CHCHD6: variants seen among roughly 807,000 people sequenced by gnomAD.
The protein encoded by CHCHD6 is coiled-coil-helix-coiled-coil-helix domain containing 6.
In CHCHD6, 28 loss-of-function variants were observed where a neutral mutation model predicts 32.3. That is an observed-to-expected ratio of 0.87 (90% CI 0.64 to 1.19). CHCHD6 has a LOEUF of 1.19. Among genes scored for constraint, CHCHD6 ranks in the 50% most tolerant of loss-of-function variants. The probability of loss-of-function intolerance (pLI) is 0.00; values close to 1 mark genes in which losing one functional copy is unlikely to be tolerated. For missense variants in CHCHD6, 333 were observed against 307.0 expected (o/e 1.08, Z -0.63); for synonymous variants, 122 against 117.5 (o/e 1.04, Z -0.25).
intron 4 of CHCHD6, among the ~76,000 whole-genome samples, chr3:126,750,847 A>G (rs1258150983): frequency 2.0e-5 from 3 of 152,226 alleles, no homozygotes; most frequent in Admixed American, 2.0e-4. Flanking sequence ...CAGTTCTCCC[A>G]TGCTAATGAG....
chr3:126,754,098 C>T (rs1003250884), intron 4 of CHCHD6, among the ~76,000 whole-genome samples: 2 of 152,192 alleles, frequency 1.3e-5, no homozygotes, highest in African/African-American at 4.8e-5. Context: ...ATAGTCATAG[C>T]AGTTAGAGCT....
At chr3:126,752,394 C>T (rs539635868) in intron 4 of CHCHD6, among the ~76,000 whole-genome samples, 16 of 152,240 alleles carry the variant, frequency 1.1e-4, no homozygotes, top group African/African-American at 3.1e-4. Flanking sequence ...GGTGTGTGAG[C>T]GGAGCCCACT....
intron 4 of CHCHD6, among the ~76,000 whole-genome samples, chr3:126,834,945 G>T (rs1940793051): frequency 6.6e-6 from 1 of 152,158 alleles, no homozygotes; most frequent in Non-Finnish European, 1.5e-5. Flanking sequence ...TGGAAGCCCT[G>T]GTGTGTCTGG....
intron 4 of CHCHD6, among the ~76,000 whole-genome samples, chr3:126,782,692 G>A (rs1034396294): frequency 1.3e-5 from 2 of 152,128 alleles, no homozygotes. Context: ...CAGCTCCAGC[G>A]TTTCCAGTCT....
At chr3:126,704,946 C>T (rs529184011) in intron 1 of CHCHD6, among the ~76,000 whole-genome samples, 1 of 152,148 alleles carries the variant, frequency 6.6e-6, no homozygotes, top group African/African-American at 2.4e-5. Context: ...CAAAGCTGGC[C>T]GCTGCCCGTC....
chr3:126,820,857 C>T (rs1940118272), intron 4 of CHCHD6, among the ~76,000 whole-genome samples: 1 of 152,192 alleles, frequency 6.6e-6, no homozygotes, highest in African/African-American at 2.4e-5. Flanking sequence ...AGTGGAGATG[C>T]AGTGTACTGT....
intron 1 of CHCHD6, among the ~76,000 whole-genome samples, chr3:126,717,049 G>A (rs1935052682): frequency 1.3e-5 from 2 of 152,202 alleles, no homozygotes; most frequent in South Asian, 4.1e-4. Flanking sequence ...TGCCTTCAAA[G>A]CAGAGCAGCA....
intron 6 of CHCHD6, among the ~76,000 whole-genome samples, chr3:126,916,019 C>T (rs936979043): frequency 8.7e-5 from 13 of 149,430 alleles, no homozygotes; most frequent in Non-Finnish European, 1.8e-4. Context: ...GGGTTTTATT[C>T]TTGAACACTA....
At position 126,903,930 on chromosome 3, in the gene CHCHD6, C is replaced by T. The variant is rs929523882; in HGVS notation, c.496-10750C>T. Among the ~76,000 whole-genome samples, 5 of 152,304 alleles carry T rather than the reference C, an allele frequency of 3.3e-5. 1 individual carries two copies. The Middle Eastern group carries it at 0.014, about 414-fold the overall frequency. The stretch of plus-strand genomic sequence containing the variant: ...TCAGGTTGGCTCCAGGGGATCCCAT[C>T]CTGGTCTGCAGGCCCTGGGTCTAGG... On this transcript the variant is annotated intron_variant, in intron 5 of 7. Coordinates refer to ENST00000290913, the MANE Select transcript of CHCHD6 (RefSeq NM_032343.3).
chr3:126,875,459 C>T (rs1284165791), intron 5 of CHCHD6, among the ~76,000 whole-genome samples: 5 of 152,216 alleles, frequency 3.3e-5, no homozygotes, highest in East Asian at 1.9e-4. Context: ...GCACTGCTCT[C>T]GTGCTACAGT....
chr3:126,748,839 G>A (rs2107666892), intron 4 of CHCHD6, among the ~76,000 whole-genome samples: 1 of 152,236 alleles, frequency 6.6e-6, no homozygotes, highest in East Asian at 1.9e-4. Flanking sequence ...TGGCCATCCA[G>A]AAGTGACCCG....
Position 126,919,310 on chromosome 3 carries a change from C to CTTTTTTTTT in CHCHD6, c.566+4566_566+4567insTTTTTTTTT. ...TAATTTTTTTTCTACTATTTCTTTT[C>CTTTTTTTTT]TTTTTTCTTTTTTTTTTTTTTTTGA... On this transcript the variant is annotated intron_variant, in intron 6 of 7. Transcript: ENST00000290913. 6.8e-5 allele frequency among the ~76,000 whole-genome samples: 2 copies of CTTTTTTTTT among 29,234 alleles called. 1 individual carries two copies. The highest frequency in any genetic ancestry group is 2.7e-4 in the Non-Finnish European group (2 of 7,544). 19.2% of individuals were successfully genotyped at this position (29,234 alleles called of 152,430 possible).
chr3:126,767,290 C>T, intron 4 of CHCHD6: 2 of 1,175,018 alleles, frequency 1.7e-6, no homozygotes, highest in Non-Finnish European at 2.6e-6. Flanking sequence ...GCTGCCCCAT[C>T]TTGTTCTCCC....
At position 126,960,327 on chromosome 3, in the gene CHCHD6, G is replaced by C; in HGVS notation, c.*126G>C. 9.0e-7 allele frequency: 1 copy of C among 1,108,408 alleles called. No homozygotes were observed. Among genetic ancestry groups the C allele is most frequent in the Non-Finnish European group, 1.3e-6 (1 of 754,774 alleles). 68.7% of individuals were successfully genotyped at this position (1,108,408 alleles called of 1,614,324 possible). A position where few individuals can be genotyped will look rare whatever the true frequency, so the allele number is the denominator to read the frequency against. On this transcript the variant is annotated 3_prime_UTR_variant, in exon 8 of 8. Transcript: ENST00000290913. ...CCCTGCATATGCCCCTGAGCCTGGGGCTGCCACGTGTTTAGGAAACAAAGT... is the reference window on the plus strand; with the variant it reads ...CCCTGCATATGCCCCTGAGCCTGGGCCTGCCACGTGTTTAGGAAACAAAGT...
intron 6 of CHCHD6, among the ~76,000 whole-genome samples, chr3:126,925,991 T>C (rs1376537455): frequency 6.6e-6 from 1 of 152,204 alleles, no homozygotes; most frequent in African/African-American, 2.4e-5. Flanking sequence ...GACGAGACCA[T>C]CCTGGAGGCC....
intron 4 of CHCHD6, among the ~76,000 whole-genome samples, chr3:126,834,955 G>C (rs564376625): frequency 6.6e-6 from 1 of 152,298 alleles, no homozygotes; most frequent in African/African-American, 2.4e-5. Context: ...GGTGTGTCTG[G>C]AGGAATAAGA....
chr3:126,788,917 A>T (rs112065659), intron 4 of CHCHD6, among the ~76,000 whole-genome samples: 31,790 of 151,860 alleles, frequency 0.21, 3,713 homozygotes, highest in African/African-American at 0.3. Context: ...TGATGTCAGG[A>T]TGTCAATTTT....
At chr3:126,818,404 G>A (rs1309057925) in intron 4 of CHCHD6, among the ~76,000 whole-genome samples, 1 of 152,146 alleles carries the variant, frequency 6.6e-6, no homozygotes, top group South Asian at 2.1e-4. Context: ...TCTCCCAGAG[G>A]TGACCGGATC....
chr3:126,869,288 CTTT>C (rs58408227), intron 5 of CHCHD6, among the ~76,000 whole-genome samples: 7 of 108,696 alleles, frequency 6.4e-5, no homozygotes, highest in South Asian at 3.0e-4. Context: ...CACCAGTCTC[CTTT>C]TTTTTTTTTT....
Sources: gnomAD v4.1 joint callset for allele counts (sites outside exome capture counted in the v4.1 genomes callset) on GRCh38, gnomAD v4.1.1 for gene constraint, MANE v1.5 for transcripts, NCBI Gene and HGNC (gene_info 2026-07-23, HGNC 2026-07-21) for gene names.